The following SCHIP1 variants were observed in gnomAD, a reference collection of about 807,000 sequenced individuals.
SCHIP1 encodes schwannomin interacting protein 1, also known as schwannomin-interacting protein 1.
SCHIP1 carries 8 observed loss-of-function variants against 29.7 expected under a neutral mutation model. The observed-to-expected ratio is 0.27, with a 90% confidence interval of 0.16 to 0.49. The LOEUF is 0.49. Among genes scored for constraint, SCHIP1 ranks in the 20% least tolerant of loss-of-function variants. The pLI, the probability that SCHIP1 is intolerant of heterozygous loss-of-function variation, is 0.99. For synonymous variants in SCHIP1, 76 were observed against 94.9 expected (o/e 0.80, Z 1.16); for missense variants, 193 against 294.6 (o/e 0.66, Z 2.52).
the SCHIP1 span, among the ~76,000 whole-genome samples, chr3:159,463,058 A>G: frequency 2.0e-5 from 3 of 151,924 alleles, no homozygotes; most frequent in Non-Finnish European, 4.4e-5. Context: ...AATATTGTCA[A>G]TCAATATTAT....
the SCHIP1 span, among the ~76,000 whole-genome samples, chr3:159,691,201 C>G: frequency 7.9e-5 from 12 of 152,052 alleles, no homozygotes; most frequent in Non-Finnish European, 1.8e-4. Context: ...TAAAGTCTCC[C>G]ACGATTATTG....
chr3:159,562,026 G>A, the SCHIP1 span, among the ~76,000 whole-genome samples: 1 of 152,106 alleles, frequency 6.6e-6, no homozygotes. Flanking sequence ...AGCATACAAG[G>A]ATATACAAGT....
the SCHIP1 span, among the ~76,000 whole-genome samples, chr3:159,669,823 C>G: frequency 6.6e-6 from 1 of 152,292 alleles, no homozygotes; most frequent in East Asian, 1.9e-4. Flanking sequence ...CAGAGACAAC[C>G]CCCTGTGTTC....
the SCHIP1 span, among the ~76,000 whole-genome samples, chr3:159,712,429 A>T: frequency 1.3e-5 from 2 of 152,208 alleles, no homozygotes; most frequent in East Asian, 3.9e-4. Context: ...AAGAAAATGC[A>T]TCTGTGATCC....
the SCHIP1 span, among the ~76,000 whole-genome samples, chr3:159,664,081 A>C: frequency 3.3e-5 from 5 of 152,320 alleles, no homozygotes; most frequent in Admixed American, 1.3e-4. Context: ...GACAGGATTT[A>C]ATGGAAGCAA....
the SCHIP1 span, among the ~76,000 whole-genome samples, chr3:159,441,880 AG>A: frequency 2.6e-5 from 4 of 151,890 alleles, no homozygotes; most frequent in Non-Finnish European, 5.9e-5. Flanking sequence ...ATTATTATTT[AG>A]AGATAGGGTT....
the SCHIP1 span, among the ~76,000 whole-genome samples, chr3:159,396,151 T>A: frequency 1.4e-5 from 2 of 143,196 alleles, no homozygotes; most frequent in Non-Finnish European, 3.1e-5. Flanking sequence ...ACCCCTGCCT[T>A]TTTTTGTTTT....
intron 2 of SCHIP1, among the ~76,000 whole-genome samples, chr3:159,878,632 G>A (rs1387416481): frequency 6.7e-6 from 1 of 149,790 alleles, no homozygotes; most frequent in African/African-American, 2.4e-5. Flanking sequence ...CAAAAAATTA[G>A]CCGGGCGTAG....
exon 1 of SCHIP1, chr3:159,840,030 C>G: frequency 6.8e-7 from 1 of 1,467,270 alleles, no homozygotes; most frequent in Non-Finnish European, 9.0e-7. Context: ...TGCCACTGCG[C>G]AGGTTGATCA....
the SCHIP1 span, among the ~76,000 whole-genome samples, chr3:159,433,916 T>G: frequency 6.6e-6 from 1 of 152,270 alleles, no homozygotes; most frequent in Middle Eastern, 3.4e-3. Flanking sequence ...CATTACAGCA[T>G]TAGCTACTGC....
chr3:159,549,999 T>C, the SCHIP1 span, among the ~76,000 whole-genome samples: 1 of 152,164 alleles, frequency 6.6e-6, no homozygotes, highest in South Asian at 2.1e-4. Context: ...ATAAACCATC[T>C]CTTTGTTTAT....
At chr3:159,543,134 TATAG>T in the SCHIP1 span, among the ~76,000 whole-genome samples, 1 of 144,536 alleles carries the variant, frequency 6.9e-6, no homozygotes, top group Non-Finnish European at 1.5e-5. Context: ...TATATATATA[TATAG>T]ATATAAAAGT....
chr3:159,468,438 C>T, the SCHIP1 span, among the ~76,000 whole-genome samples: 1 of 151,900 alleles, frequency 6.6e-6, no homozygotes, highest in African/African-American at 2.4e-5. Context: ...ATATGACATG[C>T]AACCATTCAC....
At chr3:159,748,551 C>T in the SCHIP1 span, among the ~76,000 whole-genome samples, 3 of 152,258 alleles carry the variant, frequency 2.0e-5, no homozygotes, top group South Asian at 6.2e-4. Context: ...ATGCCAACCC[C>T]TGCCACCCTC....
chr3:159,684,463 C>T, the SCHIP1 span, among the ~76,000 whole-genome samples: 1 of 152,128 alleles, frequency 6.6e-6, no homozygotes. Flanking sequence ...ATTAACCCTT[C>T]CATGTTACAG....
At chr3:159,608,953 T>C in the SCHIP1 span, among the ~76,000 whole-genome samples, 1 of 152,212 alleles carries the variant, frequency 6.6e-6, no homozygotes, top group Non-Finnish European at 1.5e-5. Context: ...ACTGGCTTGA[T>C]TTTTCTACTT....
the SCHIP1 span, among the ~76,000 whole-genome samples, chr3:159,605,187 A>T: frequency 1.3e-5 from 2 of 152,192 alleles, no homozygotes; most frequent in African/African-American, 4.8e-5. Flanking sequence ...GCGAAGCATT[A>T]GAAGGAGGGT....
chr3:159,293,716 A>G, the SCHIP1 span, among the ~76,000 whole-genome samples: 1 of 152,160 alleles, frequency 6.6e-6, no homozygotes, highest in Admixed American at 6.5e-5. Context: ...TCCTGATATC[A>G]GATTAGCTGC....
chr3:159,327,477 T>C, the SCHIP1 span, among the ~76,000 whole-genome samples: 1 of 152,188 alleles, frequency 6.6e-6, no homozygotes, highest in African/African-American at 2.4e-5. Context: ...AGAACACAAG[T>C]CACAGACCCC....
Sources: allele counts gnomAD v4.1 joint callset (sites outside exome capture counted in the v4.1 genomes callset), GRCh38; gene constraint gnomAD v4.1.1; transcripts MANE v1.5; gene names NCBI Gene and HGNC (gene_info 2026-07-23, HGNC 2026-07-21).